The following NSL1 variants were observed in gnomAD, a reference collection of about 807,000 sequenced individuals.
NSL1 encodes the protein NSL1 component of MIS12 kinetochore complex, also known as kinetochore-associated protein NSL1 homolog.
Under a neutral mutation model 25.4 loss-of-function variants are expected in NSL1, and 11 were observed. The observed-to-expected ratio is 0.43, with a 90% CI of 0.27 to 0.72. NSL1 has a LOEUF of 0.72. Among genes scored for constraint, NSL1 ranks in the 30% least tolerant of loss-of-function variants. The pLI, the probability that NSL1 is intolerant of heterozygous loss-of-function variation, is 0.19. For missense variants in NSL1, 330 were observed against 342.7 expected (o/e 0.96, Z 0.29); for synonymous variants, 118 against 120.6 (o/e 0.98, Z 0.14).
At chr1:212,776,747 C>A (rs577795932) in intron 4 of NSL1, among the ~76,000 whole-genome samples, 26 of 150,922 alleles carry the variant, frequency 1.7e-4, no homozygotes, top group African/African-American at 5.6e-4. Context: ...ACAAAAAAAA[C>A]CAACAACAAC....
Position 212,732,657 on chromosome 1 carries a change from T to C in NSL1, c.*5751A>G. 1 of 985,378 alleles carries C rather than the reference T, an allele frequency of 1.0e-6. No homozygotes were observed. The highest frequency in any genetic ancestry group is 1.2e-6 in the Non-Finnish European group (1 of 829,890). 61.0% of individuals were successfully genotyped at this position (985,378 alleles called of 1,614,324 possible). On this transcript the variant is annotated 3_prime_UTR_variant, in exon 6 of 6. Coordinates refer to ENST00000366977, the MANE Select transcript of NSL1 (RefSeq NM_015471.4). ...AATCTGCTGATTAGTTAGTAGCCTG[T>C]AGACTCGAGTGTGCTGTGTTTTGGG... is the stretch of plus-strand genomic sequence containing the variant.
rs146612786 is a variant in NSL1, at chr1:212,782,627, C to T, written c.445-201G>A. 3.2e-3 allele frequency among the ~76,000 whole-genome samples: 483 copies of T among 152,182 alleles called. 2 individuals are homozygous for T. The highest frequency in any genetic ancestry group is 0.011 in the African/African-American group (450 of 41,504). ...AATTATGTCTTTTACAGTACTGCCA[C>T]CTGCTGCATATACTAAGAAGTGGCA... On this transcript the variant is annotated intron_variant, in intron 3 of 5. Transcript: ENST00000366977.
At chr1:212,748,344 A>G (rs1658904565) in intron 4 of NSL1, among the ~76,000 whole-genome samples, 1 of 152,222 alleles carries the variant, frequency 6.6e-6, no homozygotes, top group South Asian at 2.1e-4. Context: ...AAAGCCAAAC[A>G]TATGCCTACA....
chr1:212,781,526 T>C (rs1466556872), intron 4 of NSL1, among the ~76,000 whole-genome samples: 1 of 128,338 alleles, frequency 7.8e-6, no homozygotes, highest in Non-Finnish European at 1.9e-5. Context: ...AGAGTAGCTT[T>C]ATGCTTATAC....
Position 212,730,822 on chromosome 1 carries a change from C to A in NSL1, c.*7586G>T, listed in dbSNP as rs1017168476. 45 of 985,176 alleles carry A rather than the reference C, an allele frequency of 4.6e-5. No individual in the cohort carries two copies. Among genetic ancestry groups the A allele is most frequent in the Middle Eastern group, 5.2e-4 (1 of 1,936 alleles). The allele number at this position is 985,176 out of a possible 1,614,324, so 61.0% of individuals were successfully genotyped here. On this transcript the variant is annotated 3_prime_UTR_variant, in exon 6 of 6. Transcript: ENST00000366977. ...CCAGTGATCTGTCCTCAGTTTTTTA[C>A]CTCTCCCCTCCCCACACTCACCTTC...
intron 4 of NSL1, chr1:212,764,127 C>A: frequency 7.3e-6 from 2 of 274,024 alleles, no homozygotes; most frequent in East Asian, 1.2e-4. Context: ...ATAAAAGGAA[C>A]TCTCAAAATT....
Position 212,734,403 on chromosome 1 carries a change from A to G in NSL1, c.*4005T>C, listed in dbSNP as rs1472082575. Among the ~76,000 whole-genome samples the G allele has an allele frequency of 3.3e-5, 5 of 152,246 alleles. No individual in the cohort carries two copies. The highest frequency in any genetic ancestry group is 5.9e-5 in the Non-Finnish European group (4 of 68,040). On this transcript the variant is annotated 3_prime_UTR_variant, in exon 6 of 6. Transcript: ENST00000366977. ...TGAATCAGTTTTGTGCATTTTTAAA[A>G]TATAAAACTTAAATAAAGTGCAGAA...
At position 212,730,185 on chromosome 1, in the gene NSL1, GGTTGCAGTGA is replaced by G; in HGVS notation, c.*8213_*8222del. 1.1e-6 allele frequency: 1 copy of G among 946,162 alleles called. No individual in the cohort carries two copies. The highest frequency in any genetic ancestry group is 1.2e-6 in the Non-Finnish European group (1 of 801,574). The allele number at this position is 946,162 out of a possible 1,614,324, so 58.6% of individuals were successfully genotyped here. A position where few individuals can be genotyped will look rare whatever the true frequency, so the allele number is the denominator to read the frequency against. On this transcript the variant is annotated 3_prime_UTR_variant, in exon 6 of 6. Coordinates refer to ENST00000366977, the MANE Select transcript of NSL1 (RefSeq NM_015471.4). ...GAACCTCTTGAACCTGGGAGGTGGA[GGTTGCAGTGA>G]GTTGAGATCGCTCCACTACACTCCA...
intron 4 of NSL1, among the ~76,000 whole-genome samples, chr1:212,750,542 G>A (rs756444277): frequency 1.3e-5 from 2 of 152,110 alleles, no homozygotes; most frequent in Non-Finnish European, 2.9e-5. Flanking sequence ...AAGTATCTCC[G>A]AGGAAAAGAT....
At position 212,737,547 on chromosome 1, in the gene NSL1, C is replaced by T. The variant is rs1414936996; in HGVS notation, c.*861G>A. 2.0e-6 allele frequency: 2 copies of T among 977,406 alleles called. No individual in the cohort carries two copies. Among genetic ancestry groups the T allele is most frequent in the African/African-American group, 1.8e-5 (1 of 57,058 alleles). 60.5% of individuals were successfully genotyped at this position (977,406 alleles called of 1,614,324 possible). A position where few individuals can be genotyped will look rare whatever the true frequency, so the allele number is the denominator to read the frequency against. On this transcript the variant is annotated 3_prime_UTR_variant, in exon 6 of 6. Coordinates refer to ENST00000366977, the MANE Select transcript of NSL1 (RefSeq NM_015471.4). Reference sequence around the variant, plus strand: ...GCCAATATCGTTTTCTCAGACTTCTCCCAGTGATTATATACCTGATATATA... The same window carrying T: ...GCCAATATCGTTTTCTCAGACTTCTTCCAGTGATTATATACCTGATATATA...
At chr1:212,754,633 C>T (rs538509234) in intron 4 of NSL1, among the ~76,000 whole-genome samples, 6 of 151,890 alleles carry the variant, frequency 4.0e-5, no homozygotes, top group African/African-American at 1.4e-4. Context: ...AAAAATTATC[C>T]GGGCGTGGTG....
intron 4 of NSL1, 37 bp downstream of exon 4, chr1:212,782,335 G>A: frequency 6.9e-7 from 1 of 1,449,406 alleles, no homozygotes; most frequent in South Asian, 1.1e-5. Flanking sequence ...ATTATAAGCA[G>A]ATGCTTCATT....
Position 212,732,740 on chromosome 1 carries a change from A to G in NSL1, c.*5668T>C, listed in dbSNP as rs774853773. Reference sequence around the variant, plus strand: ...TTTTTTGGTTTACCCTTTGGAATAGAGCACAGCCCCTGGTAGAACCCCCAA... The same window carrying G: ...TTTTTTGGTTTACCCTTTGGAATAGGGCACAGCCCCTGGTAGAACCCCCAA... On this transcript the variant is annotated 3_prime_UTR_variant, in exon 6 of 6. Coordinates refer to ENST00000366977, the MANE Select transcript of NSL1 (RefSeq NM_015471.4). 1.7e-5 allele frequency: 13 copies of G among 762,070 alleles called. No individual in the cohort carries two copies. Among genetic ancestry groups the G allele is most frequent in the Non-Finnish European group, 2.1e-5 (13 of 625,776 alleles). 47.2% of individuals were successfully genotyped at this position (762,070 alleles called of 1,614,324 possible). A position where few individuals can be genotyped will look rare whatever the true frequency, so the allele number is the denominator to read the frequency against.
intron 4 of NSL1, among the ~76,000 whole-genome samples, chr1:212,744,728 CAG>C (rs1451250149): frequency 6.6e-6 from 1 of 152,080 alleles, no homozygotes; most frequent in Admixed American, 6.6e-5. Flanking sequence ...ATGAAAAACT[CAG>C]AGGGGAGACG....
At chr1:212,784,310 T>G (rs1013084510) in intron 3 of NSL1, 53 bp downstream of exon 3, 22 of 1,257,240 alleles carry the variant, frequency 1.7e-5, no homozygotes, top group Non-Finnish European at 2.5e-5. Context: ...TATATTTTAA[T>G]GTTTTTATTG....
intron 4 of NSL1, among the ~76,000 whole-genome samples, chr1:212,752,676 G>A (rs576896265): frequency 6.6e-6 from 1 of 152,248 alleles, no homozygotes; most frequent in Admixed American, 6.5e-5. Context: ...TTGCTATAAG[G>A]ATATTTTTAA....
intron 4 of NSL1, among the ~76,000 whole-genome samples, chr1:212,779,627 G>A (rs1381477929): frequency 8.0e-6 from 1 of 125,718 alleles, no homozygotes; most frequent in Non-Finnish European, 1.7e-5. Flanking sequence ...CCCCCCGCCC[G>A]GTCAGCTGCC....
At position 212,729,403 on chromosome 1, in the gene NSL1, T is replaced by G; in HGVS notation, c.*9005A>C. The stretch of plus-strand genomic sequence containing the variant: ...CACAGCTCTTAGCACAGTATTTAGA[T>G]TCATCGAGTATGTGTGTAATAAAAG... On this transcript the variant is annotated 3_prime_UTR_variant, in exon 6 of 6. Transcript: ENST00000366977. 1 of 983,898 alleles carries G rather than the reference T, an allele frequency of 1.0e-6. No homozygotes were observed. The highest frequency in any genetic ancestry group is 1.2e-6 in the Non-Finnish European group (1 of 828,512). The allele number at this position is 983,898 out of a possible 1,614,324, so 60.9% of individuals were successfully genotyped here. A position where few individuals can be genotyped will look rare whatever the true frequency, so the allele number is the denominator to read the frequency against.
intron 4 of NSL1, among the ~76,000 whole-genome samples, chr1:212,747,791 G>T (rs947330795): frequency 6.6e-6 from 1 of 151,878 alleles, no homozygotes; most frequent in Non-Finnish European, 1.5e-5. Context: ...TTTGACACAG[G>T]GTCTCACTCT....
Sources: allele counts gnomAD v4.1 joint callset (sites outside exome capture counted in the v4.1 genomes callset), GRCh38; gene constraint gnomAD v4.1.1; transcripts MANE v1.5; gene names NCBI Gene and HGNC (gene_info 2026-07-23, HGNC 2026-07-21).